ARSB: variants seen among roughly 807,000 people sequenced by gnomAD.
ARSB encodes N-acetylgalactosamine-4-sulfatase.
A neutral mutation model predicts 50.9 loss-of-function variants in ARSB; 41 were observed. That is an observed-to-expected ratio of 0.81 (90% CI 0.63 to 1.04). The LOEUF (loss-of-function observed/expected upper bound fraction) is 1.04, where lower values mean the gene tolerates loss of function less well. Among genes scored for constraint, ARSB ranks in the 50% least tolerant of loss-of-function variants. The pLI, the probability that ARSB is intolerant of heterozygous loss-of-function variation, is 0.00. For missense variants in ARSB, 672 were observed against 693.3 expected (o/e 0.97, Z 0.35); for synonymous variants, 269 against 284.8 (o/e 0.94, Z 0.56).
intron 6 of ARSB, among the ~76,000 whole-genome samples, chr5:78,788,354 T>G (rs1250866099): frequency 6.6e-6 from 1 of 152,188 alleles, no homozygotes; most frequent in Non-Finnish European, 1.5e-5. Context: ...GAGCAACCCC[T>G]AGAAATTGGG....
chr5:78,921,395 T>C (rs1034212259), intron 4 of ARSB, among the ~76,000 whole-genome samples: 1 of 115,192 alleles, frequency 8.7e-6, no homozygotes, highest in South Asian at 3.2e-4. Flanking sequence ...TACACACACA[T>C]ATATGTGTAT....
At chr5:78,969,238 T>C (rs377094287) in intron 1 of ARSB, 46 bp from the exon 2 acceptor site, 11 of 1,604,708 alleles carry the variant, frequency 6.9e-6, no homozygotes, top group South Asian at 1.1e-5. Context: ...CATTGAAATA[T>C]TGTGAACAAG....
At chr5:78,942,024 T>C (rs2112437398) in intron 4 of ARSB, among the ~76,000 whole-genome samples, 1 of 152,318 alleles carries the variant, frequency 6.6e-6, no homozygotes, top group East Asian at 1.9e-4. Context: ...GGTGTATGTA[T>C]CCAGTAATTT....
In ARSB at chr5:78,778,477, G is replaced by C. The variant is rs992690607; in HGVS notation, c.*1920C>G. 6.6e-6 allele frequency: 1 copy of C among 152,168 alleles called. No homozygotes were observed. The highest frequency in any genetic ancestry group is 1.5e-5 in the Non-Finnish European group (1 of 68,034). 9.4% of individuals were successfully genotyped at this position (152,168 alleles called of 1,614,324 possible). A position where few individuals can be genotyped will look rare whatever the true frequency, so the allele number is the denominator to read the frequency against. On this transcript the variant is annotated 3_prime_UTR_variant, in exon 8 of 8. Coordinates refer to ENST00000264914, the MANE Select transcript of ARSB (RefSeq NM_000046.5). ...ATAAAGTATAGAAATGGAAATTGCT[G>C]ACAAGAGAGTACCTTTGGTAGGCAC...
At chr5:78,879,760 G>T (rs1318051579) in intron 5 of ARSB, among the ~76,000 whole-genome samples, 3 of 152,320 alleles carry the variant, frequency 2.0e-5, no homozygotes, top group Middle Eastern at 3.4e-3. Context: ...GCAGGCAGGG[G>T]TGCCAAATGT....
At chr5:78,859,399 T>C (rs571589596) in intron 5 of ARSB, among the ~76,000 whole-genome samples, 5 of 152,312 alleles carry the variant, frequency 3.3e-5, no homozygotes, top group South Asian at 4.1e-4. Flanking sequence ...TTCCTATTCA[T>C]TACTAAAAAA....
At chr5:78,871,616 T>G (rs928137988) in intron 5 of ARSB, among the ~76,000 whole-genome samples, 2 of 144,976 alleles carry the variant, frequency 1.4e-5, no homozygotes, top group Non-Finnish European at 3.1e-5. Context: ...TAGCCATATG[T>G]AGAAAGCTGA....
chr5:78,980,665 T>C (rs139771488), intron 1 of ARSB, among the ~76,000 whole-genome samples: 1,598 of 152,046 alleles, frequency 0.011, 12 homozygotes, highest in Non-Finnish European at 0.016. Flanking sequence ...AAATGATATA[T>C]AAAAATATAT....
At chr5:78,813,514 T>C (rs1457920262) in intron 6 of ARSB, among the ~76,000 whole-genome samples, 1 of 152,128 alleles carries the variant, frequency 6.6e-6, no homozygotes, top group East Asian at 1.9e-4. Flanking sequence ...TCCCAACACT[T>C]TGTGAGGCTG....
chr5:78,890,251 CT>C (rs55797488), intron 4 of ARSB, among the ~76,000 whole-genome samples: 67,208 of 134,340 alleles, frequency 0.5, 16,081 homozygotes, highest in East Asian at 0.77. Flanking sequence ...CAAATCTTAT[CT>C]TTTTTTTTTT....
At chr5:78,849,466 T>C (rs984938805) in intron 5 of ARSB, among the ~76,000 whole-genome samples, 1 of 151,312 alleles carries the variant, frequency 6.6e-6, no homozygotes, top group African/African-American at 2.4e-5. Context: ...TTGGTTACTG[T>C]AGCCTTGTAG....
chr5:78,908,731 C>CTTT lies in ARSB; in HGVS notation c.899-22907_899-22905dup, dbSNP rs34571367. Among the ~76,000 whole-genome samples the CTTT allele has an allele frequency of 1.2e-3, 174 of 140,388 alleles. 1 individual carries two copies. Among genetic ancestry groups the CTTT allele is most frequent in the African/African-American group, 2.5e-3 (96 of 37,836 alleles). 92.1% of individuals were successfully genotyped at this position (140,388 alleles called of 152,430 possible). ...CATTTCTCTACAACACTGGCCAAGA[C>CTTT]TTTTTTTTTTTTTTTTGACATGCAT... On this transcript the variant is annotated intron_variant, in intron 4 of 7. Coordinates refer to ENST00000264914, the MANE Select transcript of ARSB (RefSeq NM_000046.5).
rs373910655 is a variant in ARSB at position 78,914,981 on chromosome 5, G to T, written c.899-29154C>A. On this transcript the variant is annotated intron_variant, in intron 4 of 7. Coordinates refer to ENST00000264914, the MANE Select transcript of ARSB (RefSeq NM_000046.5). ...CTGGCCTCATGAAAGTCTTCTTATG[G>T]ACATTAAACGTTCCTATTATTTTTC... is the stretch of plus-strand genomic sequence containing the variant. Among the ~76,000 whole-genome samples, 78 of 152,286 alleles carry T rather than the reference G, an allele frequency of 5.1e-4. 1 individual carries two copies. The highest frequency in any genetic ancestry group is 1.8e-3 in the African/African-American group (76 of 41,558).
At chr5:78,834,407 C>T (rs1157626397) in intron 6 of ARSB, among the ~76,000 whole-genome samples, 1 of 151,676 alleles carries the variant, frequency 6.6e-6, no homozygotes, top group South Asian at 2.1e-4. Context: ...TCTCCCCTCC[C>T]CACAACCTCA....
intron 4 of ARSB, among the ~76,000 whole-genome samples, chr5:78,939,261 T>C (rs950834282): frequency 2.0e-5 from 3 of 148,664 alleles, no homozygotes; most frequent in African/African-American, 7.5e-5. Flanking sequence ...CATCAAGTGG[T>C]CCAAGCTCTC....
At chr5:78,829,571 C>T (rs555876329) in intron 6 of ARSB, among the ~76,000 whole-genome samples, 39 of 152,260 alleles carry the variant, frequency 2.6e-4, no homozygotes, top group African/African-American at 9.1e-4. Flanking sequence ...TACTCATTCC[C>T]TAGGTATTTT....
intron 4 of ARSB, among the ~76,000 whole-genome samples, chr5:78,900,525 G>A (rs746963827): frequency 4.6e-5 from 7 of 152,092 alleles, no homozygotes; most frequent in Non-Finnish European, 7.4e-5. Flanking sequence ...TCGCAGACGT[G>A]GAAATCTGAT....
chr5:78,945,194 G>A (rs1751159808), intron 4 of ARSB, among the ~76,000 whole-genome samples: 1 of 152,158 alleles, frequency 6.6e-6, no homozygotes, highest in Non-Finnish European at 1.5e-5. Flanking sequence ...TCTTTGAGTA[G>A]GAAAGGGAAT....
intron 6 of ARSB, among the ~76,000 whole-genome samples, chr5:78,819,312 T>C (rs1295512231): frequency 6.6e-6 from 1 of 152,238 alleles, no homozygotes; most frequent in Non-Finnish European, 1.5e-5. Context: ...TTCTCAAATT[T>C]GATCTGTTCT....
Sources: allele counts gnomAD v4.1 joint callset (sites outside exome capture counted in the v4.1 genomes callset), GRCh38; gene constraint gnomAD v4.1.1; transcripts MANE v1.5; gene names NCBI Gene and HGNC (gene_info 2026-07-23, HGNC 2026-07-21).